The following PEBP4 variants were observed in gnomAD, a reference collection of about 807,000 sequenced individuals.
PEBP4 encodes the protein phosphatidylethanolamine-binding protein 4.
In PEBP4, 22 loss-of-function variants were observed where a neutral mutation model predicts 23.9. The ratio of observed to expected loss-of-function variants is 0.92; its 90% CI spans 0.66 to 1.31. The LOEUF (loss-of-function observed/expected upper bound fraction) is 1.31, where lower values mean the gene tolerates loss of function less well. Ranked by LOEUF, PEBP4 falls within the 40% of genes most tolerant of loss-of-function variation. PEBP4 has a pLI of 0.00. For synonymous variants in PEBP4, 112 were observed against 99.3 expected (o/e 1.13, Z -0.76); for missense variants, 324 against 281.7 (o/e 1.15, Z -1.07).
intron 3 of PEBP4, among the ~76,000 whole-genome samples, chr8:22,840,912 T>A (rs1213417524): frequency 6.6e-6 from 1 of 152,112 alleles, no homozygotes; most frequent in Non-Finnish European, 1.5e-5. Flanking sequence ...ATGGTACCAA[T>A]TGCCAAGGAG....
chr8:22,918,875 C>T (rs976744512), intron 3 of PEBP4, among the ~76,000 whole-genome samples: 7 of 152,104 alleles, frequency 4.6e-5, no homozygotes, highest in Non-Finnish European at 8.8e-5. Flanking sequence ...CAAGGGTTTC[C>T]AGGGAAGAGG....
chr8:22,927,648 C>A lies in PEBP4; in HGVS notation c.67G>T (p.Asp23Tyr). ...LLGLMMVVTGDEDENSPCAHE... is the reference protein window; with the variant it reads ...LLGLMMVVTGYEDENSPCAHE... ...GCACACGGGCTGTTCTCATCCTCGT[C>A]TCCAGTGACCACCATCATGAGACCC... The change falls in exon 2 of 7, where the codon GAC (aspartate) becomes TAC (tyrosine). Residue 23 changes from aspartate to tyrosine, a missense_variant. Physicochemically the swap from Asp to Tyr is radical, Grantham distance 160 (BLOSUM62 -3). Transcript: ENST00000256404. The A allele has an allele frequency of 6.2e-7, 1 of 1,614,038 alleles. No homozygotes were observed. The highest frequency in any genetic ancestry group is 8.5e-7 in the Non-Finnish European group (1 of 1,179,928).
intron 4 of PEBP4, among the ~76,000 whole-genome samples, chr8:22,788,941 T>C (rs546553871): frequency 6.6e-6 from 1 of 152,336 alleles, no homozygotes; most frequent in Non-Finnish European, 1.5e-5. Flanking sequence ...AGTACATCCA[T>C]ATGGTAAACT....
At chr8:22,719,721 C>T (rs1804482543) in intron 6 of PEBP4, among the ~76,000 whole-genome samples, 1 of 152,066 alleles carries the variant, frequency 6.6e-6, no homozygotes, top group Non-Finnish European at 1.5e-5. Flanking sequence ...GCTTTGCTTT[C>T]CTCGTTTGCC....
At position 22,891,869 on chromosome 8, in the gene PEBP4, C is replaced by T. The variant is rs1261640016; in HGVS notation, c.258+28315G>A. ...CGGACGGATCACGAGGTCAGGAGAT[C>T]GAGACCATCTTGGCTGACACGGTGA... On this transcript the variant is annotated intron_variant, in intron 3 of 6. Coordinates refer to ENST00000256404, the MANE Select transcript of PEBP4 (RefSeq NM_144962.3). Among the ~76,000 whole-genome samples, 8 of 152,148 alleles carry T rather than the reference C, an allele frequency of 5.3e-5. No individual in the cohort carries two copies. The East Asian group carries it at 5.8e-4, about 11-fold the overall frequency.
intron 4 of PEBP4, chr8:22,758,131 A>G (rs1008382129): frequency 6.6e-6 from 1 of 152,260 alleles, no homozygotes; most frequent in East Asian, 1.9e-4. Context: ...GAAGCCTGCA[A>G]AGAAACTCCT....
intron 3 of PEBP4, among the ~76,000 whole-genome samples, chr8:22,863,647 A>T (rs1215791889): frequency 6.6e-6 from 1 of 152,154 alleles, no homozygotes; most frequent in East Asian, 1.9e-4. Flanking sequence ...TTCAACGCAC[A>T]TTCATTCATA....
chr8:22,775,457 C>T lies in PEBP4; in HGVS notation c.357+42180G>A, dbSNP rs1450581454. ...ATGCCGGGAGGGGTGCGCAGGGGCC[C>T]GTGGGTGGTGTTCACGTATGGAGGG... On this transcript the variant is annotated intron_variant, in intron 4 of 6. Coordinates refer to ENST00000256404, the MANE Select transcript of PEBP4 (RefSeq NM_144962.3). This position sits in a 1 kb window ranked among gnomAD's most constrained non-coding sequence, Gnocchi z 4.8. Among the ~76,000 whole-genome samples, 6 of 152,020 alleles carry T rather than the reference C, an allele frequency of 3.9e-5. No individual in the cohort carries two copies. The East Asian group carries it at 9.7e-4, about 25-fold the overall frequency.
chr8:22,930,503 T>C (rs1809438656), upstream of PEBP4, among the ~76,000 whole-genome samples: 1 of 152,006 alleles, frequency 6.6e-6, no homozygotes, highest in South Asian at 2.1e-4. Context: ...TTACATGGAG[T>C]ATATAGAAGC....
At chr8:22,841,262 C>A (rs903057975) in intron 3 of PEBP4, among the ~76,000 whole-genome samples, 2 of 152,260 alleles carry the variant, frequency 1.3e-5, no homozygotes, top group African/African-American at 4.8e-5. Flanking sequence ...TCTTCTGTGG[C>A]CCTTTGAGGG....
chr8:22,788,607 A>T (rs1806075456), intron 4 of PEBP4, among the ~76,000 whole-genome samples: 1 of 152,226 alleles, frequency 6.6e-6, no homozygotes, highest in Admixed American at 6.5e-5. Flanking sequence ...GAGAGGCTGG[A>T]CCACAGCCTT....
intron 3 of PEBP4, among the ~76,000 whole-genome samples, chr8:22,881,213 C>G (rs1261023334): frequency 2.0e-5 from 3 of 152,242 alleles, no homozygotes; most frequent in African/African-American, 7.2e-5. Context: ...TTTCTGGACT[C>G]TCCCAATCCC....
chr8:22,746,722 G>A (rs1805127736), intron 4 of PEBP4, among the ~76,000 whole-genome samples: 1 of 151,802 alleles, frequency 6.6e-6, no homozygotes, highest in South Asian at 2.1e-4. Flanking sequence ...CTGACCATTC[G>A]ATCCCCAATC....
intron 3 of PEBP4, among the ~76,000 whole-genome samples, chr8:22,854,251 G>A (rs950996513): frequency 1.7e-4 from 26 of 152,186 alleles, no homozygotes; most frequent in African/African-American, 6.3e-4. Context: ...TTCCATAGGA[G>A]ATGAAACCTG....
chr8:22,927,447 A>T, intron 2 of PEBP4, 137 bp downstream of exon 2: 1 of 1,075,066 alleles, frequency 9.3e-7, no homozygotes, highest in Non-Finnish European at 1.3e-6. Flanking sequence ...GGTGGTCTCC[A>T]GATCTGACAC....
chr8:22,762,479 C>A (rs957786197), intron 4 of PEBP4, among the ~76,000 whole-genome samples: 1 of 152,152 alleles, frequency 6.6e-6, no homozygotes, highest in African/African-American at 2.4e-5. Flanking sequence ...TTAGCTTTTG[C>A]CCATGGTTGA....
intron 6 of PEBP4, among the ~76,000 whole-genome samples, chr8:22,719,527 G>A (rs1804479012): frequency 1.3e-5 from 2 of 152,192 alleles, no homozygotes. Flanking sequence ...AGGAGGCCTG[G>A]GACAGCAGGA....
At chr8:22,843,657 C>T (rs1304170807) in intron 3 of PEBP4, among the ~76,000 whole-genome samples, 1 of 152,156 alleles carries the variant, frequency 6.6e-6, no homozygotes, top group African/African-American at 2.4e-5. Context: ...CCTTATTGGG[C>T]CTGGTCCTGA....
At chr8:22,881,661 G>A (rs1808261282) in intron 3 of PEBP4, among the ~76,000 whole-genome samples, 1 of 152,118 alleles carries the variant, frequency 6.6e-6, no homozygotes, top group Non-Finnish European at 1.5e-5. Context: ...TCCCTCTTTG[G>A]AATAACTCCC....
Sources: gnomAD v4.1 joint callset for allele counts (sites outside exome capture counted in the v4.1 genomes callset) on GRCh38, gnomAD v4.1.1 for gene constraint, Gnocchi (gnomAD v3.1) non-coding constraint, MANE v1.5 for transcripts, NCBI Gene and HGNC (gene_info 2026-07-23, HGNC 2026-07-21) for gene names.